The following MOCS2 variants were observed in gnomAD, a reference collection of about 807,000 sequenced individuals.
MOCS2 encodes the protein molybdopterin synthase catalytic subunit.
In MOCS2, 13 loss-of-function variants were observed where a neutral mutation model predicts 21.9. The observed-to-expected ratio is 0.59, with a 90% CI of 0.39 to 0.94. MOCS2 has a LOEUF of 0.94. MOCS2 is among the 40% of genes least tolerant of loss of function. The pLI is 0.00. For synonymous variants in MOCS2, 92 were observed against 80.8 expected, an observed-to-expected ratio of 1.14 and a Z score of -0.74; for missense variants, 227 against 218.3, an observed-to-expected ratio of 1.04 and a Z score of -0.25.
At chr5:53,100,282 G>T (rs1740871263) in intron 6 of MOCS2, 129 bp downstream of exon 6, 2 of 1,054,510 alleles carry the variant, frequency 1.9e-6, no homozygotes, top group East Asian at 5.0e-5. Flanking sequence ...TTGGAAAGAA[G>T]ATATTTCACA....
chr5:53,103,245 C>T (rs559949941), intron 3 of MOCS2, among the ~76,000 whole-genome samples: 1 of 152,288 alleles, frequency 6.6e-6, no homozygotes, highest in South Asian at 2.1e-4. Context: ...AACATGATCA[C>T]TAAAATATAA....
intron 6 of MOCS2, among the ~76,000 whole-genome samples, chr5:53,099,501 G>C (rs540103703): frequency 3.3e-5 from 5 of 152,148 alleles, no homozygotes; most frequent in Non-Finnish European, 7.3e-5. Context: ...CAATATATCT[G>C]AGCTTCACTA....
rs557179480 is a variant in MOCS2 at position 53,100,757 on chromosome 5, C to T, written c.378-223G>A. The T allele has an allele frequency of 5.8e-4, 304 of 525,620 alleles. 1 individual carries two copies. Among genetic ancestry groups the T allele is most frequent in the Admixed American group, 1.2e-3 (38 of 31,148 alleles). 32.6% of individuals were successfully genotyped at this position (525,620 alleles called of 1,614,324 possible). ...TACAGCTAATTTGTTAGAATCTATCCACTAAACCCTCCTGATGGGCACCAA... is the reference window on the plus strand; with the variant it reads ...TACAGCTAATTTGTTAGAATCTATCTACTAAACCCTCCTGATGGGCACCAA... On this transcript the variant is annotated intron_variant, in intron 5 of 6. Transcript: ENST00000396954.
In MOCS2 at chr5:53,107,063, CA is replaced by C. The variant is rs771573480; in HGVS notation, c.98+13del. 1.4e-5 allele frequency: 22 copies of C among 1,613,958 alleles called. No individual in the cohort carries two copies. In the East Asian group the frequency reaches 4.7e-4, roughly 34 times the overall value. On this transcript the variant is annotated intron_variant, in intron 3 of 6. Transcript: ENST00000396954. ...TCCCCACACGACTGATTAAGAAAAA[CA>C]AATCTCACATACCTAGATGGCTCAA...
In MOCS2 at chr5:53,100,994, T is replaced by C. The variant is rs562719484; in HGVS notation, c.377+365A>G. 9.8e-4 allele frequency: 331 copies of C among 338,500 alleles called. 3 individuals are homozygous for C. The highest frequency in any genetic ancestry group is 6.5e-3 in the African/African-American group (311 of 47,494). 21.0% of individuals were successfully genotyped at this position (338,500 alleles called of 1,614,324 possible). A position where few individuals can be genotyped will look rare whatever the true frequency, so the allele number is the denominator to read the frequency against. On this transcript the variant is annotated intron_variant, in intron 5 of 6. Coordinates refer to ENST00000396954, the MANE Select transcript of MOCS2 (RefSeq NM_004531.5). ...CAGAGTATGATAGATACAGTCTCAA[T>C]TACTGGCTTCTTTTTAAAGCCAAGA...
chr5:53,100,616 A>C, intron 5 of MOCS2, 82 bp from the exon 6 acceptor site: 1 of 1,473,060 alleles, frequency 6.8e-7, no homozygotes, highest in Middle Eastern at 1.7e-4. Context: ...GATGAAAAAA[A>C]ATCCAGGTAT....
At chr5:53,100,979 TA>T (rs1740892293) in intron 5 of MOCS2, 1 of 332,020 alleles carries the variant, frequency 3.0e-6, no homozygotes, top group Non-Finnish European at 5.6e-6. Context: ...CAGAGTATGA[TA>T]GATACAGTCT....
intron 1 of MOCS2, among the ~76,000 whole-genome samples, chr5:53,108,992 T>G (rs1006161480): frequency 6.6e-6 from 1 of 152,210 alleles, no homozygotes; most frequent in Non-Finnish European, 1.5e-5. Context: ...GAACAAATGT[T>G]TGAGTCAAGA....
At position 53,109,435 on chromosome 5, in the gene MOCS2, G is replaced by A. The variant is rs770380800; in HGVS notation, c.-354C>T. 1.6e-4 allele frequency: 197 copies of A among 1,263,536 alleles called. No individual in the cohort carries two copies. The highest frequency in any genetic ancestry group is 1.9e-4 in the Non-Finnish European group (188 of 1,005,012). The allele number at this position is 1,263,536 out of a possible 1,614,324, so 78.3% of individuals were successfully genotyped here. Reference sequence around the variant, plus strand: ...TGGGAAAGAGGTGGTCATAAAAGGTGGAGGCGCCTTCAGAACGAGTCCGTC... The same window carrying A: ...TGGGAAAGAGGTGGTCATAAAAGGTAGAGGCGCCTTCAGAACGAGTCCGTC... On this transcript the variant is annotated 5_prime_UTR_variant, in exon 1 of 7. Coordinates refer to ENST00000396954, the MANE Select transcript of MOCS2 (RefSeq NM_004531.5).
chr5:53,109,613 T>C lies in MOCS2; in HGVS notation c.-532A>G. The C allele has an allele frequency of 1.3e-6, 2 of 1,508,790 alleles. No homozygotes were observed. The highest frequency in any genetic ancestry group is 1.2e-5 in the South Asian group (1 of 80,832). The allele number at this position is 1,508,790 out of a possible 1,614,324, so 93.5% of individuals were successfully genotyped here. ...GCCAGGTTGGGGGCTAGTGGGGAGG[T>C]CCGACTGACCAAGGCTGGGTATGTG... On this transcript the variant is annotated 5_prime_UTR_variant, in exon 1 of 7. Transcript: ENST00000396954.
chr5:53,109,175 A>T, intron 1 of MOCS2, 76 bp downstream of exon 1: 1 of 507,998 alleles, frequency 2.0e-6, no homozygotes, highest in Non-Finnish European at 2.5e-6. Context: ...GAAACACACG[A>T]CAGACTGGAA....
In MOCS2 at chr5:53,096,813, TAAAG is replaced by T. The variant is rs1299127444; in HGVS notation, c.*1785_*1788del. On this transcript the variant is annotated 3_prime_UTR_variant, in exon 7 of 7. Transcript: ENST00000396954. ...ATGAAGGCATGATTCTTTTAAAACA[TAAAG>T]AATGTTCTATGTTCTTTAAAAACAT... 1 of 152,190 alleles carries T rather than the reference TAAAG, an allele frequency of 6.6e-6. No homozygotes were observed. The highest frequency in any genetic ancestry group is 2.4e-5 in the African/African-American group (1 of 41,448). 9.4% of individuals were successfully genotyped at this position (152,190 alleles called of 1,614,324 possible). A position where few individuals can be genotyped will look rare whatever the true frequency, so the allele number is the denominator to read the frequency against.
Position 53,097,715 on chromosome 5 carries a change from A to C in MOCS2, c.*887T>G, listed in dbSNP as rs944099607. On this transcript the variant is annotated 3_prime_UTR_variant, in exon 7 of 7. Transcript: ENST00000396954. ...CCTCACAATGTATATGTGTATCAAA[A>C]ATCACATTGTATACTTTAAATACAT... The C allele has an allele frequency of 5.9e-5, 9 of 152,196 alleles. No homozygotes were observed. Among genetic ancestry groups the C allele is most frequent in the African/African-American group, 1.9e-4 (8 of 41,446 alleles). The allele number at this position is 152,196 out of a possible 1,614,324, so 9.4% of individuals were successfully genotyped here.
intron 4 of MOCS2, among the ~76,000 whole-genome samples, chr5:53,101,775 G>A (rs947311565): frequency 6.6e-6 from 1 of 152,096 alleles, no homozygotes; most frequent in African/African-American, 2.4e-5. Flanking sequence ...TTCCTCTTCT[G>A]ACTAATAGAT....
Position 53,098,628 on chromosome 5 carries a change from CTTT to C in MOCS2, c.538_540del (p.Lys180del), listed in dbSNP as rs1561172158. 1 of 1,613,896 alleles carries C rather than the reference CTTT, an allele frequency of 6.2e-7. No homozygotes were observed. The highest frequency in any genetic ancestry group is 1.7e-5 in the Admixed American group (1 of 60,012). The stretch of plus-strand genomic sequence containing the variant: ...TAACTGTTGGATGCCCAAAAGCACT[CTTT>C]GTTTCCTTTCCAAGTTGATGACTCT... On this transcript the variant is annotated inframe_deletion, in exon 7 of 7. Transcript: ENST00000396954.
intron 1 of MOCS2, among the ~76,000 whole-genome samples, 154 bp downstream of exon 1, chr5:53,109,097 G>T (rs553819585): frequency 8.1e-4 from 124 of 152,220 alleles, no homozygotes; most frequent in Non-Finnish European, 1.2e-3. Flanking sequence ...GTATAACATC[G>T]TCCCCAGACG....
At position 53,109,470 on chromosome 5, in the gene MOCS2, G is replaced by A. The variant is rs1314526220; in HGVS notation, c.-389C>T. On this transcript the variant is annotated 5_prime_UTR_variant, in exon 1 of 7. It adds an upstream start codon to the 5' untranslated region. Transcript: ENST00000396954. ...TCAGAACGAGTCCGTCCTTGCTGCC[G>A]TGAGCTGACAAGAGTTCTCGGAGAG... 3.1e-6 allele frequency: 4 copies of A among 1,302,608 alleles called. No homozygotes were observed. Among genetic ancestry groups the A allele is most frequent in the Non-Finnish European group, 3.9e-6 (4 of 1,026,876 alleles). 80.7% of individuals were successfully genotyped at this position (1,302,608 alleles called of 1,614,324 possible). A position where few individuals can be genotyped will look rare whatever the true frequency, so the allele number is the denominator to read the frequency against.
chr5:53,099,993 T>A (rs576563305), intron 6 of MOCS2, among the ~76,000 whole-genome samples: 2 of 150,762 alleles, frequency 1.3e-5, no homozygotes, highest in East Asian at 3.9e-4. Flanking sequence ...GGGAGCAATA[T>A]CTCACCATTT....
chr5:53,109,003 G>A (rs1015649428), intron 1 of MOCS2, among the ~76,000 whole-genome samples: 1 of 152,188 alleles, frequency 6.6e-6, no homozygotes. Flanking sequence ...TGAGTCAAGA[G>A]ATGAGTTACA....
Sources: gnomAD v4.1 joint callset for allele counts (sites outside exome capture counted in the v4.1 genomes callset) on GRCh38, gnomAD v4.1.1 for gene constraint, MANE v1.5 for transcripts, NCBI Gene and HGNC (gene_info 2026-07-23, HGNC 2026-07-21) for gene names.